EMSY: variants seen among roughly 807,000 people sequenced by gnomAD.
EMSY encodes BRCA2-interacting transcriptional repressor EMSY.
In EMSY, 26 loss-of-function variants were observed where a neutral mutation model predicts 134.6. That is an observed-to-expected ratio of 0.19 (90% confidence interval 0.14 to 0.27). The LOEUF is 0.27. Among genes scored for constraint, EMSY ranks in the 10% least tolerant of loss-of-function variants. EMSY has a pLI of 1.00. For synonymous variants in EMSY, 579 were observed against 577.8 expected, an observed-to-expected ratio of 1.00 and a Z score of -0.03; for missense variants, 1,305 against 1,611.4, an observed-to-expected ratio of 0.81 and a Z score of 3.26.
At position 76,472,545 on chromosome 11, in the gene EMSY, C is replaced by T. The variant is rs746579706; in HGVS notation, c.832-19C>T. On this transcript the variant is annotated intron_variant, in intron 7 of 20. Transcript: ENST00000334736. ...TAGTTTAGTAGGTACATAAAAATAACTTATTTTTTATTCCTTAGGTTATTA... is the reference window on the plus strand; with the variant it reads ...TAGTTTAGTAGGTACATAAAAATAATTTATTTTTTATTCCTTAGGTTATTA... 6.2e-7 allele frequency: 1 copy of T among 1,601,966 alleles called. No homozygotes were observed. Among genetic ancestry groups the T allele is most frequent in the East Asian group, 2.2e-5 (1 of 44,724 alleles).
intron 8 of EMSY, among the ~76,000 whole-genome samples, chr11:76,480,108 T>G (rs1206809514): frequency 6.6e-6 from 1 of 152,244 alleles, no homozygotes; most frequent in African/African-American, 2.4e-5. Flanking sequence ...GTAACTATCT[T>G]ATGCCAGAAC....
At chr11:76,533,212 TTGTA>T (rs1951105365) in intron 14 of EMSY, among the ~76,000 whole-genome samples, 1 of 152,136 alleles carries the variant, frequency 6.6e-6, no homozygotes, top group Admixed American at 6.5e-5. Flanking sequence ...TAGAATCACT[TTGTA>T]TGAGCAATAG....
intron 8 of EMSY, among the ~76,000 whole-genome samples, chr11:76,493,931 C>T (rs1384399762): frequency 6.6e-6 from 1 of 152,200 alleles, no homozygotes; most frequent in Admixed American, 6.5e-5. Context: ...TTGGGGGAGC[C>T]CAGACCTAGG....
At chr11:76,458,545 C>T in intron 5 of EMSY, 187 bp downstream of exon 6, 1 of 546,124 alleles carries the variant, frequency 1.8e-6, no homozygotes. Context: ...TTTAGTCTCC[C>T]TTTTGTCGAA....
At chr11:76,467,923 G>C (rs900426802) in intron 7 of EMSY, among the ~76,000 whole-genome samples, 3 of 150,804 alleles carry the variant, frequency 2.0e-5, no homozygotes, top group African/African-American at 7.3e-5. Flanking sequence ...AGGTTGCAGT[G>C]AGCCAAGATT....
chr11:76,473,100 G>A (rs755433167), intron 8 of EMSY, among the ~76,000 whole-genome samples: 5 of 151,990 alleles, frequency 3.3e-5, no homozygotes, highest in African/African-American at 1.2e-4. Context: ...GTTAAATCTC[G>A]TCACTATAAA....
At chr11:76,473,108 A>G (rs1044796152) in intron 8 of EMSY, among the ~76,000 whole-genome samples, 8 of 152,186 alleles carry the variant, frequency 5.3e-5, no homozygotes, top group African/African-American at 7.2e-5. Flanking sequence ...TCGTCACTAT[A>G]AATTTCAAAG....
intron 11 of EMSY, chr11:76,516,531 T>C (rs948952303): frequency 3.5e-5 from 11 of 313,662 alleles, no homozygotes; most frequent in African/African-American, 6.5e-5. Context: ...AAAGAACCTT[T>C]AGTTGCTTTT....
Position 76,481,172 on chromosome 11 carries a change from T to C in EMSY, c.1108+8332T>C, listed in dbSNP as rs191860974. 6.6e-4 allele frequency among the ~76,000 whole-genome samples: 101 copies of C among 152,338 alleles called. 1 individual carries two copies. Among genetic ancestry groups the C allele is most frequent in the Middle Eastern group, 3.4e-3 (1 of 294 alleles). On this transcript the variant is annotated intron_variant, in intron 8 of 20. Coordinates refer to ENST00000334736, the Ensembl canonical transcript of EMSY. ...CATTCTCCTGCCTCAGCCTCTCGAATAGCTGGGACTACAGGCGCCCGCCAC... is the reference window on the plus strand; with the variant it reads ...CATTCTCCTGCCTCAGCCTCTCGAACAGCTGGGACTACAGGCGCCCGCCAC...
intron 9 of EMSY, among the ~76,000 whole-genome samples, chr11:76,510,898 C>T (rs920320244): frequency 6.6e-6 from 1 of 152,182 alleles, no homozygotes; most frequent in Non-Finnish European, 1.5e-5. Context: ...AGGAAATGCT[C>T]TTGGTTTAAA....
intron 14 of EMSY, among the ~76,000 whole-genome samples, chr11:76,534,707 A>G (rs1951165273): frequency 1.3e-5 from 2 of 152,224 alleles, no homozygotes; most frequent in South Asian, 2.1e-4. Context: ...TTCACTGACC[A>G]TCCCAATTCA....
At chr11:76,456,069 T>C (rs1485964895) in intron 4 of EMSY, among the ~76,000 whole-genome samples, 3 of 152,164 alleles carry the variant, frequency 2.0e-5, no homozygotes, top group Non-Finnish European at 4.4e-5. Flanking sequence ...AGGTTTCCCC[T>C]GTCATACTTA....
intron 7 of EMSY, 145 bp downstream of exon 8, chr11:76,464,225 A>G (rs1284921020): frequency 1.0e-5 from 11 of 1,069,012 alleles, no homozygotes; most frequent in Non-Finnish European, 1.5e-5. Flanking sequence ...AATTTTCCAG[A>G]TAAGGCTTTG....
intron 8 of EMSY, among the ~76,000 whole-genome samples, chr11:76,482,804 T>G (rs576815496): frequency 2.8e-4 from 43 of 152,160 alleles, no homozygotes; most frequent in African/African-American, 9.9e-4. Context: ...ACAGGGAGAA[T>G]GGAATCAAGT....
intron 1 of EMSY, among the ~76,000 whole-genome samples, chr11:76,446,255 T>C (rs1269476642): frequency 6.6e-6 from 1 of 151,776 alleles, no homozygotes; most frequent in Non-Finnish European, 1.5e-5. Context: ...AATGGCTGTT[T>C]AATAACTACA....
chr11:76,538,848 C>T (rs1415252929), intron 16 of EMSY, among the ~76,000 whole-genome samples: 1 of 152,042 alleles, frequency 6.6e-6, no homozygotes, highest in Admixed American at 6.6e-5. Context: ...GTCCCAGCTA[C>T]TCGGGAGGCT....
exon 21 of EMSY, chr11:76,551,338 TAAC>T (rs1951830490): frequency 6.5e-6 from 1 of 152,768 alleles, no homozygotes; most frequent in Admixed American, 6.5e-5. Flanking sequence ...GAAAAGTTTT[TAAC>T]GGTTTTATAT....
Position 76,513,532 on chromosome 11 carries a change from A to G in EMSY, c.1510A>G (p.Thr504Ala), listed in dbSNP as rs1247627114. The change falls in exon 10 of 21, where the codon ACT becomes GCT. Residue 504 changes from threonine (T) to alanine (A), a missense_variant. Thr to Ala is a moderately conservative substitution (Grantham distance 58). Transcript: ENST00000334736. Reference sequence around the variant, plus strand: ...GACAACTAAACTGGTAACCACTCCTACTGGTAAGTTCTCTTGAGCATCAGT... The same window carrying G: ...GACAACTAAACTGGTAACCACTCCTGCTGGTAAGTTCTCTTGAGCATCAGT... 3.1e-6 allele frequency: 5 copies of G among 1,612,770 alleles called. No individual in the cohort carries two copies. The East Asian group carries it at 8.9e-5, about 29-fold the overall frequency.
chr11:76,458,164 C>T lies in EMSY; in HGVS notation c.246-19C>T, dbSNP rs372630335. On this transcript the variant is annotated intron_variant, in intron 4 of 20. Transcript: ENST00000334736. ...TAGTGATTGAAAACCCTTGTAGCAG[C>T]GCTTTCTTTTTTGTTTAGTATGTCT... is the stretch of plus-strand genomic sequence containing the variant. 6 of 1,580,790 alleles carry T rather than the reference C, an allele frequency of 3.8e-6. No individual in the cohort carries two copies. Among genetic ancestry groups the T allele is most frequent in the African/African-American group, 2.7e-5 (2 of 72,894 alleles).
Sources: gnomAD v4.1 joint callset for allele counts (sites outside exome capture counted in the v4.1 genomes callset) on GRCh38, gnomAD v4.1.1 for gene constraint, MANE v1.5 for transcripts, NCBI Gene and HGNC (gene_info 2026-07-23, HGNC 2026-07-21) for gene names.